Variants in RFX3 observed in about 807,000 individuals in gnomAD.
The protein encoded by RFX3 is transcription factor RFX3.
A neutral mutation model predicts 98.6 loss-of-function variants in RFX3; 14 were observed. The ratio of observed to expected loss-of-function variants is 0.14; its 90% CI spans 0.09 to 0.22. RFX3 has a LOEUF of 0.22. Among genes scored for constraint, RFX3 ranks in the 10% least tolerant of loss-of-function variants. RFX3 has a pLI of 1.00. For synonymous variants in RFX3, 383 were observed against 328.4 expected, an observed-to-expected ratio of 1.17 and a Z score of -1.80; for missense variants, 639 against 926.9, an observed-to-expected ratio of 0.69 and a Z score of 4.03.
intron 1 of RFX3, among the ~76,000 whole-genome samples, chr9:3,502,925 A>G (rs1385961386): frequency 2.0e-5 from 3 of 152,164 alleles, no homozygotes; most frequent in African/African-American, 7.2e-5. Context: ...ATACATGGAA[A>G]TTCACTTCAT....
chr9:3,401,681 C>T (rs758175860), intron 1 of RFX3, among the ~76,000 whole-genome samples: 11 of 152,318 alleles, frequency 7.2e-5, no homozygotes, highest in Admixed American at 4.6e-4. Context: ...TAGTCATCCT[C>T]GCCTAATGTG....
chr9:3,376,543 C>T (rs921444984), intron 2 of RFX3, among the ~76,000 whole-genome samples: 1 of 152,090 alleles, frequency 6.6e-6, no homozygotes, highest in Admixed American at 6.5e-5. Context: ...GTGCAAGAAG[C>T]CAGCTTGCAC....
At chr9:3,383,902 T>A (rs2131745217) in intron 2 of RFX3, among the ~76,000 whole-genome samples, 1 of 152,272 alleles carries the variant, frequency 6.6e-6, no homozygotes, top group Middle Eastern at 3.4e-3. Flanking sequence ...TGTATCTATT[T>A]CTAAAATCAG....
At chr9:3,318,216 T>A (rs937717422) in intron 4 of RFX3, among the ~76,000 whole-genome samples, 1 of 152,212 alleles carries the variant, frequency 6.6e-6, no homozygotes, top group Admixed American at 6.5e-5. Context: ...GTTCATGTCC[T>A]TTGTAGAGAC....
intron 1 of RFX3, among the ~76,000 whole-genome samples, chr9:3,415,774 T>C (rs943701623): frequency 1.3e-5 from 2 of 152,184 alleles, no homozygotes; most frequent in Admixed American, 6.5e-5. Context: ...TAATATGAAC[T>C]GCCTCTTTGC....
At chr9:3,454,503 C>T (rs1379366024) in intron 1 of RFX3, among the ~76,000 whole-genome samples, 1 of 152,154 alleles carries the variant, frequency 6.6e-6, no homozygotes, top group Non-Finnish European at 1.5e-5. Context: ...AAAATCACAT[C>T]AAGCTACTTG....
At chr9:3,415,497 A>G (rs1363467632) in intron 1 of RFX3, among the ~76,000 whole-genome samples, 1 of 152,092 alleles carries the variant, frequency 6.6e-6, no homozygotes, top group Non-Finnish European at 1.5e-5. Flanking sequence ...TATAAATTCA[A>G]TAAAGTATTC....
chr9:3,244,938 T>C (rs1366291056), intron 15 of RFX3, among the ~76,000 whole-genome samples: 1 of 152,280 alleles, frequency 6.6e-6, no homozygotes, highest in Non-Finnish European at 1.5e-5. Context: ...CAATAAAAAC[T>C]TGTTAATAAA....
chr9:3,375,314 T>C (rs1838342405), intron 2 of RFX3, among the ~76,000 whole-genome samples: 1 of 152,198 alleles, frequency 6.6e-6, no homozygotes, highest in Admixed American at 6.5e-5. Flanking sequence ...TGCACATGTC[T>C]GCCATTTTAC....
chr9:3,346,600 G>A, intron 3 of RFX3, 67 bp downstream of exon 3: 1 of 930,040 alleles, frequency 1.1e-6, no homozygotes, highest in Admixed American at 1.7e-5. Flanking sequence ...AATAGTGGGA[G>A]GTGTTCAAAA....
At chr9:3,314,119 A>G (rs1352420174) in intron 4 of RFX3, among the ~76,000 whole-genome samples, 1 of 152,226 alleles carries the variant, frequency 6.6e-6, no homozygotes, top group Non-Finnish European at 1.5e-5. Context: ...GGGCAGCCAG[A>G]GAGAAAGGTC....
At position 3,398,053 on chromosome 9, in the gene RFX3, C is replaced by G. The variant is rs186768526; in HGVS notation, c.-8-2457G>C. On this transcript the variant is annotated intron_variant, in intron 1 of 16. Coordinates refer to ENST00000617270, the MANE Select transcript of RFX3 (RefSeq NM_001282116.2). Reference sequence around the variant, plus strand: ...ATGTGGGAAACTTCCTTCCATTTTCCGAAAGAAACTGAAAGTCCAGATTTT... The same window carrying G: ...ATGTGGGAAACTTCCTTCCATTTTCGGAAAGAAACTGAAAGTCCAGATTTT... Among the ~76,000 whole-genome samples the G allele has an allele frequency of 6.6e-5, 10 of 152,128 alleles. No homozygotes were observed. The South Asian group carries it at 2.1e-3, about 32-fold the overall frequency.
intron 3 of RFX3, among the ~76,000 whole-genome samples, chr9:3,340,926 A>G (rs1355280469): frequency 1.3e-5 from 2 of 152,232 alleles, no homozygotes; most frequent in South Asian, 4.1e-4. Context: ...AGGATTATAA[A>G]TCATGCTGCT....
intron 1 of RFX3, among the ~76,000 whole-genome samples, chr9:3,496,546 T>A (rs749188320): frequency 1.3e-5 from 2 of 152,006 alleles, no homozygotes; most frequent in Non-Finnish European, 2.9e-5. Context: ...GCCAGAAAGA[T>A]GAAAATAAGA....
chr9:3,342,530 A>C (rs528100596), intron 3 of RFX3, among the ~76,000 whole-genome samples: 51 of 152,332 alleles, frequency 3.3e-4, no homozygotes, highest in Non-Finnish European at 6.3e-4. Flanking sequence ...ATATAAGAAA[A>C]TCCTTTAAAA....
chr9:3,479,126 AC>A (rs1161970385), intron 1 of RFX3, among the ~76,000 whole-genome samples: 1 of 152,190 alleles, frequency 6.6e-6, no homozygotes, highest in Non-Finnish European at 1.5e-5. Context: ...GATGAGAATA[AC>A]CCCAAGTTAA....
At chr9:3,250,737 G>C (rs1045250824) in intron 14 of RFX3, among the ~76,000 whole-genome samples, 2 of 151,784 alleles carry the variant, frequency 1.3e-5, no homozygotes, top group Admixed American at 6.6e-5. Flanking sequence ...GGCTCATCCA[G>C]ATATAAAATT....
At chr9:3,319,324 A>C (rs1830992724) in intron 4 of RFX3, among the ~76,000 whole-genome samples, 1 of 151,566 alleles carries the variant, frequency 6.6e-6, no homozygotes, top group Non-Finnish European at 1.5e-5. Context: ...ATGCACACTC[A>C]AGTTTGAAAA....
At position 3,465,099 on chromosome 9, in the gene RFX3, TAAC is replaced by T. The variant is rs990490730; in HGVS notation, c.-9+60645_-9+60647del. ...TTAAAATAGAAGAATCACTAACTCA[TAAC>T]AATATGCAGGTCATTCTTTTCCAGA... On this transcript the variant is annotated intron_variant, in intron 1 of 16. Transcript: ENST00000617270. Among the ~76,000 whole-genome samples the T allele has an allele frequency of 5.3e-4, 81 of 152,208 alleles. 1 individual carries two copies. Among genetic ancestry groups the T allele is most frequent in the African/African-American group, 1.9e-3 (79 of 41,540 alleles).
Sources: allele counts gnomAD v4.1 joint callset (sites outside exome capture counted in the v4.1 genomes callset), GRCh38; gene constraint gnomAD v4.1.1; transcripts MANE v1.5; gene names NCBI Gene and HGNC (gene_info 2026-07-23, HGNC 2026-07-21).